The following ACTR3C variants were observed in gnomAD, a reference collection of about 807,000 sequenced individuals.
The protein encoded by ACTR3C is actin-related protein 3C.
In ACTR3C, 18 loss-of-function variants were observed where a neutral mutation model predicts 26.3. That is an observed-to-expected ratio of 0.68 (90% CI 0.47 to 1.01). The LOEUF (loss-of-function observed/expected upper bound fraction) is 1.01. Ranked by LOEUF, ACTR3C falls within the 50% of genes least tolerant of loss-of-function variation. ACTR3C has a pLI of 0.00. For synonymous variants in ACTR3C, 55 were observed against 94.5 expected (o/e 0.58, Z 2.42); for missense variants, 184 against 250.7 (o/e 0.73, Z 1.80).
the ACTR3C span, among the ~76,000 whole-genome samples, chr7:149,995,292 T>C: frequency 6.6e-6 from 1 of 152,266 alleles, no homozygotes; most frequent in Non-Finnish European, 1.5e-5. Context: ...CTCACTTTGC[T>C]CCTCCACTTT....
chr7:150,298,852 A>T (rs190107959), intron 1 of ACTR3C, among the ~76,000 whole-genome samples: 2,650 of 151,892 alleles, frequency 0.017, 77 homozygotes, highest in African/African-American at 0.06. Flanking sequence ...GGAACAATTT[A>T]AAAAAATGAA....
chr7:149,926,336 G>A, the ACTR3C span, among the ~76,000 whole-genome samples: 1 of 152,298 alleles, frequency 6.6e-6, no homozygotes, highest in South Asian at 2.1e-4. Flanking sequence ...TGGAGGAATG[G>A]CCTTTAATTG....
At chr7:149,908,785 CTT>C in the ACTR3C span, among the ~76,000 whole-genome samples, 4 of 145,798 alleles carry the variant, frequency 2.7e-5, no homozygotes, top group African/African-American at 5.0e-5. Context: ...GGAATCCTAT[CTT>C]TTTTTTTTTT....
the ACTR3C span, among the ~76,000 whole-genome samples, chr7:150,037,999 G>A: frequency 7.2e-6 from 1 of 139,518 alleles, no homozygotes; most frequent in Non-Finnish European, 1.6e-5. Context: ...CCGCCTCGCG[G>A]GAATTGCCTC....
chr7:150,038,469 C>T, the ACTR3C span, among the ~76,000 whole-genome samples: 2 of 143,386 alleles, frequency 1.4e-5, no homozygotes, highest in East Asian at 1.9e-4. Context: ...TCCGGGTCCC[C>T]GCCCCATTTG....
the ACTR3C span, among the ~76,000 whole-genome samples, chr7:150,152,334 G>C: frequency 1.3e-5 from 2 of 152,062 alleles, no homozygotes; most frequent in Admixed American, 1.3e-4. Context: ...AATTTATTGA[G>C]AGTTTTTAGC....
chr7:150,116,689 T>C, the ACTR3C span, among the ~76,000 whole-genome samples: 1 of 152,216 alleles, frequency 6.6e-6, no homozygotes, highest in Non-Finnish European at 1.5e-5. Flanking sequence ...AGACATCTAA[T>C]GACTTGCCCA....
At chr7:149,994,433 A>G in the ACTR3C span, among the ~76,000 whole-genome samples, 1 of 152,058 alleles carries the variant, frequency 6.6e-6, no homozygotes, top group East Asian at 1.9e-4. Flanking sequence ...CCCCATCTCT[A>G]CAAAAATACA....
the ACTR3C span, among the ~76,000 whole-genome samples, chr7:150,156,215 C>T: frequency 6.6e-6 from 1 of 152,150 alleles, no homozygotes; most frequent in African/African-American, 2.4e-5. Context: ...GAGCAACAGT[C>T]CAGGTCAAGT....
intron 6 of ACTR3C, among the ~76,000 whole-genome samples, chr7:150,266,373 T>C (rs1244223131): frequency 6.7e-6 from 1 of 150,068 alleles, no homozygotes; most frequent in African/African-American, 2.5e-5. Flanking sequence ...TTGATATCCA[T>C]GGAGTGAGAG....
chr7:150,025,951 A>G, the ACTR3C span, among the ~76,000 whole-genome samples: 2 of 151,892 alleles, frequency 1.3e-5, no homozygotes, highest in Admixed American at 6.6e-5. Context: ...CCTGCTTCGA[A>G]CTCTCGCTGA....
intron 1 of ACTR3C, among the ~76,000 whole-genome samples, chr7:150,312,496 C>T (rs935231008): frequency 6.6e-6 from 1 of 152,174 alleles, no homozygotes; most frequent in African/African-American, 2.4e-5. Flanking sequence ...TTATTCCTTT[C>T]CTGGCCTAAA....
At chr7:149,991,983 T>C in the ACTR3C span, among the ~76,000 whole-genome samples, 5 of 111,998 alleles carry the variant, frequency 4.5e-5, no homozygotes, top group East Asian at 1.4e-3. Flanking sequence ...AATCTTACAC[T>C]GAGTGTTTGT....
chr7:149,911,273 A>G, the ACTR3C span, among the ~76,000 whole-genome samples: 1 of 151,516 alleles, frequency 6.6e-6, no homozygotes, highest in East Asian at 1.9e-4. Context: ...CAGACCAGAA[A>G]TCACTAAAAT....
At chr7:150,043,388 C>A in the ACTR3C span, among the ~76,000 whole-genome samples, 1 of 151,944 alleles carries the variant, frequency 6.6e-6, no homozygotes, top group Non-Finnish European at 1.5e-5. Flanking sequence ...GGCTGGCTCT[C>A]AACCACCACG....
At chr7:149,976,911 CA>C in the ACTR3C span, among the ~76,000 whole-genome samples, 1 of 151,416 alleles carries the variant, frequency 6.6e-6, no homozygotes, top group African/African-American at 2.4e-5. Context: ...GAAATAAAGA[CA>C]GGGGTAAGGA....
the ACTR3C span, among the ~76,000 whole-genome samples, chr7:150,137,784 A>G: frequency 6.6e-6 from 1 of 152,250 alleles, no homozygotes; most frequent in Admixed American, 6.5e-5. Flanking sequence ...TGAAGCATCA[A>G]AATGAAGGAA....
chr7:150,045,282 T>C, the ACTR3C span, among the ~76,000 whole-genome samples: 11 of 152,400 alleles, frequency 7.2e-5, no homozygotes, highest in African/African-American at 2.4e-4. Flanking sequence ...TATGTTCATC[T>C]ATCTTTTAGT....
chr7:149,995,739 C>G, the ACTR3C span, among the ~76,000 whole-genome samples: 954 of 152,320 alleles, frequency 6.3e-3, 7 homozygotes, highest in African/African-American at 0.022. Context: ...AAGAGGCGGA[C>G]CTCTGGAGGG....
Sources: gnomAD v4.1 joint callset for allele counts (sites outside exome capture counted in the v4.1 genomes callset) on GRCh38, gnomAD v4.1.1 for gene constraint, MANE v1.5 for transcripts, NCBI Gene and HGNC (gene_info 2026-07-23, HGNC 2026-07-21) for gene names.